Variants in TBRG1 observed in about 807,000 individuals in gnomAD.
TBRG1 encodes the protein transforming growth factor beta regulator 1, also known as nuclear interactor of ARF and MDM2.
Under a neutral mutation model 44.0 loss-of-function variants are expected in TBRG1, and 31 were observed. The ratio of observed to expected loss-of-function variants is 0.70; its 90% CI spans 0.53 to 0.95. The LOEUF (loss-of-function observed/expected upper bound fraction) is 0.95, where lower values mean the gene tolerates loss of function less well. Ranked by LOEUF, TBRG1 falls within the 40% of genes least tolerant of loss-of-function variation. The probability of loss-of-function intolerance (pLI) is 0.00; values close to 1 mark genes in which losing one functional copy is unlikely to be tolerated. For missense variants in TBRG1, 487 were observed against 496.1 expected (o/e 0.98, Z 0.18); for synonymous variants, 171 against 188.1 (o/e 0.91, Z 0.74).
rs1942609618 is a variant in TBRG1, at chr11:124,631,527, C to G, written c.1090+110C>G. 5.0e-6 allele frequency: 6 copies of G among 1,207,168 alleles called. No homozygotes were observed. In the Admixed American group the frequency reaches 1.0e-4, roughly 21 times the overall value. The allele number at this position is 1,207,168 out of a possible 1,614,324, so 74.8% of individuals were successfully genotyped here. ...ATATCTATGCATTGAGTGATAAAAGCTTTCATTGAATCAGCCTTGCGGAGT... is the reference window on the plus strand; with the variant it reads ...ATATCTATGCATTGAGTGATAAAAGGTTTCATTGAATCAGCCTTGCGGAGT... On this transcript the variant is annotated intron_variant, in intron 8 of 8. Transcript: ENST00000441174.
chr11:124,626,429 A>T, intron 3 of TBRG1, 44 bp from the exon 4 acceptor site: 1 of 1,473,492 alleles, frequency 6.8e-7, no homozygotes, highest in Non-Finnish European at 9.0e-7. Flanking sequence ...TCCCTTCAAC[A>T]TTGGAAGGGG....
Position 124,625,831 on chromosome 11 carries a change from G to T in TBRG1, c.382G>T (p.Ala128Ser). 6.3e-7 allele frequency: 1 copy of T among 1,580,302 alleles called. No homozygotes were observed. The highest frequency in any genetic ancestry group is 1.2e-5 in the South Asian group (1 of 85,472). Reference sequence around the variant, plus strand: ...GCCTATTTCAGGGCCCAGCACTGGGGCTGAGGAACCATTTGGGAAGAAAAC... The same window carrying T: ...GCCTATTTCAGGGCCCAGCACTGGGTCTGAGGAACCATTTGGGAAGAAAAC... ...AGPISGPSTG[A>S]EEPFGKKTKK... The change falls in exon 3 of 9, where the codon GCT (alanine) becomes TCT (serine). Residue 128 changes from alanine to serine, a missense_variant. Transcript: ENST00000441174.
chr11:124,630,957 T>A (rs1218810168), intron 7 of TBRG1, 102 bp downstream of exon 7: 1 of 897,886 alleles, frequency 1.1e-6, no homozygotes, highest in African/African-American at 1.7e-5. Context: ...GTCCAAAGCC[T>A]GCCTGCTTCT....
rs540483959 is a variant in TBRG1 at position 124,631,313 on chromosome 11, A to G, written c.986A>G (p.Asp329Gly). ...AAATTTGATGTGTGCAAACCTGGAGATGGGCAGCTACCTGAGGGGCTGCCG... is the reference window on the plus strand; with the variant it reads ...AAATTTGATGTGTGCAAACCTGGAGGTGGGCAGCTACCTGAGGGGCTGCCG... The part of the protein sequence containing the change: ...WVKFDVCKPG[D>G]GQLPEGLPEN... Residue 329 changes from aspartate (D) to glycine (G), a missense_variant, in exon 8 of 9, where the codon GAT becomes GGT. Physicochemically the swap from Asp to Gly is moderately conservative, Grantham distance 94. Coordinates refer to ENST00000441174, the MANE Select transcript of TBRG1 (RefSeq NM_032811.3). 5.6e-6 allele frequency: 9 copies of G among 1,611,184 alleles called. No homozygotes were observed. The South Asian group carries it at 8.8e-5, about 16-fold the overall frequency.
rs1034621609 is a variant in TBRG1, at chr11:124,634,264, G to C, written c.*2026G>C. 6.6e-6 allele frequency: 1 copy of C among 152,328 alleles called. No homozygotes were observed. The highest frequency in any genetic ancestry group is 1.5e-5 in the Non-Finnish European group (1 of 68,156). 9.4% of individuals were successfully genotyped at this position (152,328 alleles called of 1,614,324 possible). ...CAGGAAGAATCGCTTGAACCCGGGAGGCAGAGGTTGCAGTGAGCCGAGACC... is the reference window on the plus strand; with the variant it reads ...CAGGAAGAATCGCTTGAACCCGGGACGCAGAGGTTGCAGTGAGCCGAGACC... On this transcript the variant is annotated 3_prime_UTR_variant, in exon 9 of 9. Transcript: ENST00000441174.
At chr11:124,632,072 T>G in intron 8 of TBRG1, 21 bp from the exon 9 acceptor site, 1 of 1,612,968 alleles carries the variant, frequency 6.2e-7, no homozygotes, top group Non-Finnish European at 8.5e-7. Flanking sequence ...GCAGTGGAAC[T>G]TAAGGAATTG....
chr11:124,622,913 G>A lies in TBRG1; in HGVS notation c.-171G>A, dbSNP rs567857044. 10 of 679,230 alleles carry A rather than the reference G, an allele frequency of 1.5e-5. No individual in the cohort carries two copies. The highest frequency in any genetic ancestry group is 6.3e-5 in the South Asian group (3 of 47,410). 42.1% of individuals were successfully genotyped at this position (679,230 alleles called of 1,614,324 possible). Reference sequence around the variant, plus strand: ...CTGGGAGGCGCCGGGAGCCCGTTCGGTTGCGGGTGTCTCTGGCCCTGCGGT... The same window carrying A: ...CTGGGAGGCGCCGGGAGCCCGTTCGATTGCGGGTGTCTCTGGCCCTGCGGT... On this transcript the variant is annotated 5_prime_UTR_variant, in exon 1 of 9. Transcript: ENST00000441174.
At chr11:124,627,078 T>C (rs1942493229) in intron 5 of TBRG1, 28 bp downstream of exon 5, 1 of 1,422,460 alleles carries the variant, frequency 7.0e-7, no homozygotes, top group South Asian at 1.2e-5. Flanking sequence ...AACCACTGTT[T>C]GTCTTTAGAA....
At chr11:124,631,570 C>A (rs1392055181) in intron 8 of TBRG1, 153 bp downstream of exon 8, 13 of 789,252 alleles carry the variant, frequency 1.6e-5, no homozygotes, top group Non-Finnish European at 2.5e-5. Context: ...TAGAGGGGGA[C>A]CTGCGGCCTG....
Position 124,627,572 on chromosome 11 carries a change from C to CA in TBRG1, c.738+529dup, listed in dbSNP as rs1316657004. 5.3e-5 allele frequency among the ~76,000 whole-genome samples: 8 copies of CA among 151,832 alleles called. No individual in the cohort carries two copies. In the East Asian group the frequency reaches 7.7e-4, roughly 15 times the overall value. On this transcript the variant is annotated intron_variant, in intron 5 of 8. Coordinates refer to ENST00000441174, the MANE Select transcript of TBRG1 (RefSeq NM_032811.3). ...TCATCTCCTGATTGTTAGGGAAAAA[C>CA]AAAAAAATAGACCATTTTCGGAGTT...
In TBRG1 at chr11:124,630,472, A is replaced by G. The variant is rs202107879; in HGVS notation, c.823A>G (p.Ile275Val). The change falls in exon 6 of 9, where the codon ATA becomes GTA. Residue 275 changes from isoleucine to valine, a missense_variant. Ile to Val is a conservative substitution (Grantham distance 29). Transcript: ENST00000441174. Reference protein sequence around the residue: ...DACHAELLRTISTTMGKLMPN... With the variant: ...DACHAELLRTVSTTMGKLMPN... ...TTGTCATGCAGAACTGCTCAGGACT[A>G]TAAGCACTACTATGTAAGTTGACCA... 2.0e-5 allele frequency: 33 copies of G among 1,612,046 alleles called. No individual in the cohort carries two copies. The East Asian group carries it at 4.2e-4, about 21-fold the overall frequency.
At chr11:124,625,949 A>G (rs1204783501) in intron 3 of TBRG1, 46 bp downstream of exon 3, 1 of 1,503,882 alleles carries the variant, frequency 6.6e-7, no homozygotes, top group Non-Finnish European at 8.9e-7. Context: ...CTCACCTACT[A>G]ATGACAGTTA....
At chr11:124,631,525 A>G in intron 8 of TBRG1, 108 bp downstream of exon 8, 1 of 1,220,950 alleles carries the variant, frequency 8.2e-7, no homozygotes, top group Non-Finnish European at 1.2e-6. Flanking sequence ...GAGTGATAAA[A>G]GCTTTCATTG....
rs986926840 is a variant in TBRG1, at chr11:124,625,850, A to G, written c.401A>G (p.Lys134Arg). ...ACTGGGGCTGAGGAACCATTTGGGA[A>G]GAAAACTAAGAAGGAGAAAAAAGAA... ...PSTGAEEPFG[K>R]KTKKEKKEKG... The change falls in exon 3 of 9, where the codon AAG becomes AGG. Residue 134 changes from lysine to arginine, a missense_variant. Physicochemically the swap from Lys to Arg is conservative, Grantham distance 26. Coordinates refer to ENST00000441174, the MANE Select transcript of TBRG1 (RefSeq NM_032811.3). The G allele has an allele frequency of 7.6e-6, 12 of 1,578,408 alleles. No individual in the cohort carries two copies. Among genetic ancestry groups the G allele is most frequent in the Non-Finnish European group, 1.0e-5 (12 of 1,163,814 alleles).
chr11:124,625,946 A>C (rs779186122), intron 3 of TBRG1, 43 bp downstream of exon 3: 1 of 1,508,560 alleles, frequency 6.6e-7, no homozygotes, highest in Non-Finnish European at 8.8e-7. Flanking sequence ...TGACTCACCT[A>C]CTAATGACAG....
At position 124,635,608 on chromosome 11, in the gene TBRG1, T is replaced by G. The variant is rs1405787073; in HGVS notation, c.*3370T>G. On this transcript the variant is annotated 3_prime_UTR_variant, in exon 9 of 9. Transcript: ENST00000441174. ...AAATTTACATATGATTTCATTAATA[T>G]ATTCACTATCTAAACCATATTTTTT... 1 of 152,252 alleles carries G rather than the reference T, an allele frequency of 6.6e-6. No individual in the cohort carries two copies. Among genetic ancestry groups the G allele is most frequent in the African/African-American group, 2.4e-5 (1 of 41,476 alleles). The allele number at this position is 152,252 out of a possible 1,614,324, so 9.4% of individuals were successfully genotyped here.
intron 5 of TBRG1, among the ~76,000 whole-genome samples, chr11:124,629,598 T>G (rs938484725): frequency 2.6e-5 from 4 of 152,196 alleles, no homozygotes; most frequent in African/African-American, 7.2e-5. Context: ...TAGTGGAAAC[T>G]ATACTCAGTA....
At position 124,632,391 on chromosome 11, in the gene TBRG1, G is replaced by A; in HGVS notation, c.*153G>A. The A allele has an allele frequency of 1.8e-6, 1 of 544,146 alleles. No homozygotes were observed. The highest frequency in any genetic ancestry group is 3.1e-6 in the Non-Finnish European group (1 of 318,486). 33.7% of individuals were successfully genotyped at this position (544,146 alleles called of 1,614,324 possible). On this transcript the variant is annotated 3_prime_UTR_variant, in exon 9 of 9. Coordinates refer to ENST00000441174, the MANE Select transcript of TBRG1 (RefSeq NM_032811.3). ...GTCCTGTGGTGATGGTTTTCCCTGG[G>A]AAAACCTTCAGCTGCTTTATTTTTA...
chr11:124,631,086 G>A (rs1942600029), intron 7 of TBRG1, 189 bp from the exon 8 acceptor site: 4 of 650,040 alleles, frequency 6.2e-6, no homozygotes, highest in Non-Finnish European at 1.0e-5. Flanking sequence ...CAAAAGGGGT[G>A]GGAAATCTAG....
Sources: allele counts gnomAD v4.1 joint callset (sites outside exome capture counted in the v4.1 genomes callset), GRCh38; gene constraint gnomAD v4.1.1; transcripts MANE v1.5; gene names NCBI Gene and HGNC (gene_info 2026-07-23, HGNC 2026-07-21).